The following XPO1 variants were observed in gnomAD, a reference collection of about 807,000 sequenced individuals.
The protein encoded by XPO1 is exportin-1.
A neutral mutation model predicts 133.3 loss-of-function variants in XPO1; 5 were observed. The ratio of observed to expected loss-of-function variants is 0.04; its 90% CI spans 0.02 to 0.08. The LOEUF is 0.08. Ranked by LOEUF, XPO1 falls within the 10% of genes least tolerant of loss-of-function variation. The probability of loss-of-function intolerance (pLI) is 1.00; values close to 1 mark genes in which losing one functional copy is unlikely to be tolerated. For synonymous variants in XPO1, 419 were observed against 408.2 expected, an observed-to-expected ratio of 1.03 and a Z score of -0.32; for missense variants, 506 against 1,267.5, an observed-to-expected ratio of 0.40 and a Z score of 9.12.
Position 61,492,134 on chromosome 2 carries a change from G to A in XPO1, c.1788C>T (p.Arg596=). 3.1e-6 allele frequency: 5 copies of A among 1,614,170 alleles called. No homozygotes were observed. The highest frequency in any genetic ancestry group is 4.2e-6 in the Non-Finnish European group (5 of 1,180,034). ...DTFIKIAQKC[R]RHFVQVQVGE... ...CAACCTGAACCTGAACGAAATGCCT[G>A]CGGCATTTTTGGGCTATTTTAATGA... Residue 596 remains arginine, a synonymous_variant, in exon 16 of 25, where the codon CGC becomes CGT. Coordinates refer to ENST00000401558, the MANE Select transcript of XPO1 (RefSeq NM_003400.4). The surrounding 1 kb of genome is among the most constrained non-coding windows in gnomAD (Gnocchi z 5.6).
chr2:61,532,977 A>G (rs1200338997), intron 2 of XPO1, among the ~76,000 whole-genome samples: 1 of 152,024 alleles, frequency 6.6e-6, no homozygotes, highest in Non-Finnish European at 1.5e-5. Context: ...CAGGAGTTCC[A>G]AGACCAGCCT....
At chr2:61,531,044 G>C (rs1391334951) in intron 2 of XPO1, among the ~76,000 whole-genome samples, 1 of 152,208 alleles carries the variant, frequency 6.6e-6, no homozygotes, top group Non-Finnish European at 1.5e-5. Context: ...GAGCTTCCAA[G>C]AATCAAATTA....
chr2:61,506,221 G>A (rs1697804847), intron 4 of XPO1, among the ~76,000 whole-genome samples: 1 of 152,118 alleles, frequency 6.6e-6, no homozygotes, highest in Non-Finnish European at 1.5e-5. Flanking sequence ...AGGAGTTCCA[G>A]ACCAGCCTGG....
At chr2:61,497,726 A>G (rs1697311422) in intron 9 of XPO1, among the ~76,000 whole-genome samples, 1 of 152,198 alleles carries the variant, frequency 6.6e-6, no homozygotes, top group Non-Finnish European at 1.5e-5. Context: ...GAGAAGATAA[A>G]CAGTTATCGT....
In XPO1 at chr2:61,498,901, T is replaced by C. The variant is rs2104494578; in HGVS notation, c.603A>G (p.Glu201=). ...SKHLKDSMCN[E]FSQIFQLCQF... ...GACACAGTTGAAATATCTGTGAGAA[T>C]TCATTGCACATGCTAAAAAAAAAAA... The change falls in exon 8 of 25, where the codon GAA becomes GAG. Residue 201 remains glutamate (E), a synonymous_variant. Coordinates refer to ENST00000401558, the MANE Select transcript of XPO1 (RefSeq NM_003400.4). The C allele has an allele frequency of 6.3e-7, 1 of 1,591,706 alleles. No individual in the cohort carries two copies. Among genetic ancestry groups the C allele is most frequent in the Non-Finnish European group, 8.5e-7 (1 of 1,171,110 alleles).
intron 4 of XPO1, among the ~76,000 whole-genome samples, chr2:61,507,113 G>A (rs931485706): frequency 4.6e-5 from 7 of 151,894 alleles, no homozygotes; most frequent in African/African-American, 9.7e-5. Flanking sequence ...GGGCGTGGTG[G>A]CATGCGCCTG....
At chr2:61,483,125 A>G (rs1202975932) in intron 21 of XPO1, 34 bp from the exon 22 acceptor site, 1 of 1,591,164 alleles carries the variant, frequency 6.3e-7, no homozygotes, top group Non-Finnish European at 8.6e-7. Flanking sequence ...GAAAGTTACT[A>G]CAGACTGACA....
Position 61,492,229 on chromosome 2 carries a change from T to A in XPO1, c.1724-31A>T, listed in dbSNP as rs986293798. On this transcript the variant is annotated intron_variant, in intron 15 of 24. Transcript: ENST00000401558. This position sits in a 1 kb window ranked among gnomAD's most constrained non-coding sequence, Gnocchi z 5.6. ...AAGACAAAAATATTCATTTATTTTG[T>A]CCTGGACTCCATCATGGGTCTCTAA... The A allele has an allele frequency of 3.5e-5, 56 of 1,609,864 alleles. No individual in the cohort carries two copies. The highest frequency in any genetic ancestry group is 4.4e-5 in the Non-Finnish European group (52 of 1,178,166).
chr2:61,513,865 A>G (rs778402551), intron 4 of XPO1, among the ~76,000 whole-genome samples: 1 of 152,186 alleles, frequency 6.6e-6, no homozygotes, highest in Non-Finnish European at 1.5e-5. Context: ...TTAGATCTCA[A>G]TAAGGGAATA....
At position 61,491,988 on chromosome 2, in the gene XPO1, A is replaced by G. The variant is rs1178980930; in HGVS notation, c.1887+47T>C. 4.4e-6 allele frequency: 7 copies of G among 1,598,458 alleles called. No individual in the cohort carries two copies. In the Admixed American group the frequency reaches 8.5e-5, roughly 19 times the overall value. On this transcript the variant is annotated intron_variant, in intron 16 of 24. Coordinates refer to ENST00000401558, the MANE Select transcript of XPO1 (RefSeq NM_003400.4). Reference sequence around the variant, plus strand: ...TTTCCATTGATACATACAGATTGATACAAGTGTTACTTTCTAAAAATAACA... The same window carrying G: ...TTTCCATTGATACATACAGATTGATGCAAGTGTTACTTTCTAAAAATAACA...
At position 61,489,700 on chromosome 2, in the gene XPO1, C is replaced by T. The variant is rs149132072; in HGVS notation, c.2023-929G>A. On this transcript the variant is annotated intron_variant, in intron 17 of 24. Coordinates refer to ENST00000401558, the MANE Select transcript of XPO1 (RefSeq NM_003400.4). ...CTCCTGAGTAGCTGGGACTTACAGG[C>T]GCCCGCCGCCACACTCAGCTAATTT... Among the ~76,000 whole-genome samples, 823 of 150,758 alleles carry T rather than the reference C, an allele frequency of 5.5e-3. 8 individuals are homozygous for T. Among genetic ancestry groups the T allele is most frequent in the African/African-American group, 0.019 (779 of 41,166 alleles).
At chr2:61,513,788 G>A (rs1698215688) in intron 4 of XPO1, among the ~76,000 whole-genome samples, 2 of 152,050 alleles carry the variant, frequency 1.3e-5, no homozygotes, top group African/African-American at 4.8e-5. Context: ...TAAACAGGAA[G>A]CCACAGACAA....
At chr2:61,529,083 C>G (rs950013899) in intron 2 of XPO1, among the ~76,000 whole-genome samples, 4 of 151,932 alleles carry the variant, frequency 2.6e-5, no homozygotes, top group African/African-American at 9.7e-5. Context: ...CCCAGCTACT[C>G]AGGAGGCTGA....
At chr2:61,524,067 G>T (rs1291098648) in intron 3 of XPO1, among the ~76,000 whole-genome samples, 1 of 152,134 alleles carries the variant, frequency 6.6e-6, no homozygotes, top group African/African-American at 2.4e-5. Flanking sequence ...AAAAAAAAGA[G>T]AGTTGTCCAA....
At chr2:61,490,612 A>T (rs1282497596) in intron 17 of XPO1, 30 bp downstream of exon 17, 1 of 1,613,370 alleles carries the variant, frequency 6.2e-7, no homozygotes, top group Non-Finnish European at 8.5e-7. Flanking sequence ...AATCCCATGA[A>T]AACTTTTAAG....
At chr2:61,481,438 A>AT (rs1156564344) in intron 23 of XPO1, among the ~76,000 whole-genome samples, 157 bp from the exon 24 acceptor site, 1 of 149,142 alleles carries the variant, frequency 6.7e-6, no homozygotes, top group Non-Finnish European at 1.5e-5. Flanking sequence ...CGTCCCAATA[A>AT]TGTTTTTTTT....
chr2:61,488,317 T>C (rs752982700), intron 18 of XPO1, 46 bp from the exon 19 acceptor site: 22 of 1,550,646 alleles, frequency 1.4e-5, no homozygotes, highest in African/African-American at 9.5e-5. Flanking sequence ...ACTAAACTTA[T>C]ACAGTGGTAC....
intron 3 of XPO1, 24 bp from the exon 4 acceptor site, chr2:61,522,707 T>C (rs767222209): frequency 4.5e-6 from 7 of 1,543,452 alleles, no homozygotes; most frequent in South Asian, 1.1e-5. Flanking sequence ...AATAGAAGCA[T>C]GTGAATATAT....
At chr2:61,482,893 G>A (rs1489492425) in intron 22 of XPO1, 64 bp downstream of exon 22, 4 of 1,597,050 alleles carry the variant, frequency 2.5e-6, no homozygotes, top group African/African-American at 1.4e-5. Context: ...AAAGTGCTGG[G>A]ATTATAGGCG....
Sources: gnomAD v4.1 joint callset for allele counts (sites outside exome capture counted in the v4.1 genomes callset) on GRCh38, gnomAD v4.1.1 for gene constraint, Gnocchi (gnomAD v3.1) non-coding constraint, MANE v1.5 for transcripts, NCBI Gene and HGNC (gene_info 2026-07-23, HGNC 2026-07-21) for gene names.